Variants in PCYOX1L observed in about 807,000 individuals in gnomAD.
PCYOX1L encodes the protein prenylcysteine oxidase 1 like, also known as prenylcysteine oxidase 1-like.
In PCYOX1L, 40 loss-of-function variants were observed where a neutral mutation model predicts 44.1. The ratio of observed to expected loss-of-function variants is 0.91; its 90% confidence interval spans 0.70 to 1.18. PCYOX1L has a LOEUF of 1.18. Among genes scored for constraint, PCYOX1L ranks in the 50% most tolerant of loss-of-function variants. The pLI is 0.00. For synonymous variants in PCYOX1L, 266 were observed against 282.8 expected (o/e 0.94, Z 0.60); for missense variants, 605 against 653.3 (o/e 0.93, Z 0.81).
In PCYOX1L at chr5:149,358,106, C is replaced by T. The variant is rs1757902725; in HGVS notation, c.38C>T (p.Ala13Val). ...GCCCCGCTGCTCGCCGCGTTGACCG[C>T]GCTCCTCGCCGCCGCCGCTGCTGGC... ...RAAPLLAALT[A>V]LLAAAAAGGD... Residue 13 changes from alanine (A) to valine (V), a missense_variant, in exon 1 of 6, where the codon GCG (alanine) becomes GTG (valine). Physicochemically the swap from Ala to Val is moderately conservative, Grantham distance 64 (BLOSUM62 0). Coordinates refer to ENST00000274569, the MANE Select transcript of PCYOX1L (RefSeq NM_024028.4). The T allele has an allele frequency of 2.1e-6, 3 of 1,451,954 alleles. No individual in the cohort carries two copies. The highest frequency in any genetic ancestry group is 2.7e-6 in the Non-Finnish European group (3 of 1,104,834). The allele number at this position is 1,451,954 out of a possible 1,614,324, so 89.9% of individuals were successfully genotyped here.
intron 1 of PCYOX1L, among the ~76,000 whole-genome samples, chr5:149,358,575 A>T (rs1757919712): frequency 6.6e-6 from 1 of 152,148 alleles, no homozygotes; most frequent in South Asian, 2.1e-4. Flanking sequence ...CTCACAGTAC[A>T]GGGAAGTCCG....
chr5:149,364,057 T>G lies in PCYOX1L; in HGVS notation c.317T>G (p.Val106Gly). 6.2e-7 allele frequency: 1 copy of G among 1,613,606 alleles called. No homozygotes were observed. Among genetic ancestry groups the G allele is most frequent in the East Asian group, 2.2e-5 (1 of 44,850 alleles). Residue 106 changes from valine (V) to glycine (G), a missense_variant, in exon 3 of 6, where the codon GTG becomes GGG. Transcript: ENST00000274569. ...GCAGGGCTGAGGCACCGGCGCGAGGTGGTGGGCAGGAGCGCCATCTTCGGC... is the reference window on the plus strand; with the variant it reads ...GCAGGGCTGAGGCACCGGCGCGAGGGGGTGGGCAGGAGCGCCATCTTCGGC... ...KLLGLRHRREVVGRSAIFGGE... is the reference protein window; with the variant it reads ...KLLGLRHRREGVGRSAIFGGE...
intron 1 of PCYOX1L, 142 bp from the exon 2 acceptor site, chr5:149,362,495 G>A: frequency 2.4e-6 from 2 of 821,756 alleles, no homozygotes; most frequent in Non-Finnish European, 3.8e-6. Flanking sequence ...TCAGTCCGCA[G>A]ATTTCCTTTT....
chr5:149,362,612 C>T (rs1431141009), intron 1 of PCYOX1L, 25 bp from the exon 2 acceptor site: 1 of 1,612,978 alleles, frequency 6.2e-7, no homozygotes, highest in South Asian at 1.1e-5. Flanking sequence ...CTCTCTTCTT[C>T]CCTACCTCCC....
intron 2 of PCYOX1L, 100 bp downstream of exon 2, chr5:149,362,943 A>T: frequency 7.8e-7 from 1 of 1,275,532 alleles, no homozygotes; most frequent in African/African-American, 1.5e-5. Flanking sequence ...CCAGAAGGTC[A>T]TGTGGCCCAA....
In PCYOX1L at chr5:149,368,217, G is replaced by C. The variant is rs1484090598; in HGVS notation, c.1048G>C (p.Asp350His). The part of the protein sequence containing the change: ...YLNSSYFGFP[D>H]PKLFPFANIL... Reference sequence around the variant, plus strand: ...CAACTCGTCCTACTTCGGTTTCCCAGACCCTAAGCTTTTCCCCTTTGCCAA... The same window carrying C: ...CAACTCGTCCTACTTCGGTTTCCCACACCCTAAGCTTTTCCCCTTTGCCAA... The change falls in exon 6 of 6, where the codon GAC (aspartate) becomes CAC (histidine). Residue 350 changes from aspartate (D) to histidine (H), a missense_variant. Transcript: ENST00000274569. 1.9e-6 allele frequency: 3 copies of C among 1,613,984 alleles called. No individual in the cohort carries two copies. The African/African-American group carries it at 4.0e-5, about 22-fold the overall frequency.
chr5:149,366,864 A>G (rs1428039378), intron 4 of PCYOX1L, among the ~76,000 whole-genome samples: 1 of 152,078 alleles, frequency 6.6e-6, no homozygotes, highest in African/African-American at 2.4e-5. Context: ...TCTCCTTCAT[A>G]GCATTTTTGT....
rs1005925702 is a variant in PCYOX1L, at chr5:149,368,823, C to T, written c.*169C>T. The T allele has an allele frequency of 2.6e-5, 13 of 500,688 alleles. No individual in the cohort carries two copies. The highest frequency in any genetic ancestry group is 1.7e-4 in the East Asian group (5 of 28,858). The allele number at this position is 500,688 out of a possible 1,614,324, so 31.0% of individuals were successfully genotyped here. A position where few individuals can be genotyped will look rare whatever the true frequency, so the allele number is the denominator to read the frequency against. On this transcript the variant is annotated 3_prime_UTR_variant, in exon 6 of 6. Coordinates refer to ENST00000274569, the MANE Select transcript of PCYOX1L (RefSeq NM_024028.4). ...CTGCCTATATTAAGGGTCCACACGG[C>T]GGCTGCTGCTTTTTTTTAAGGGGGA...
At chr5:149,367,557 C>T in intron 5 of PCYOX1L, 57 bp downstream of exon 5, 4 of 1,595,118 alleles carry the variant, frequency 2.5e-6, no homozygotes, top group Non-Finnish European at 3.4e-6. Flanking sequence ...TGGACAGACA[C>T]TTCTGCCTCC....
intron 3 of PCYOX1L, chr5:149,364,603 A>G (rs900260273): frequency 1.5e-4 from 26 of 176,864 alleles, no homozygotes; most frequent in African/African-American, 6.1e-4. Flanking sequence ...GCCGTGTACA[A>G]TGCCCACCTC....
intron 1 of PCYOX1L, among the ~76,000 whole-genome samples, chr5:149,359,367 G>T: frequency 6.6e-6 from 1 of 152,238 alleles, no homozygotes; most frequent in East Asian, 1.9e-4. Context: ...TTGAGACTGA[G>T]AGTTTAGTGC....
At chr5:149,365,570 A>C in intron 3 of PCYOX1L, 1 of 272,134 alleles carries the variant, frequency 3.7e-6, no homozygotes, top group African/African-American at 2.2e-5. Context: ...AAGCTGTGGC[A>C]GAACCGACAC....
At chr5:149,365,744 T>C (rs1323406348) in intron 3 of PCYOX1L, 198 bp from the exon 4 acceptor site, 2 of 603,746 alleles carry the variant, frequency 3.3e-6, no homozygotes, top group East Asian at 5.5e-5. Flanking sequence ...TTCCATACCT[T>C]CACACTCCCT....
rs1758342209 is a variant in PCYOX1L, at chr5:149,369,230, A to G, written c.*576A>G. ...TCCAAGCCTGTCAACATCACTGCATATTGGAGGAGATGACTGTGGTAGGAC... is the reference window on the plus strand; with the variant it reads ...TCCAAGCCTGTCAACATCACTGCATGTTGGAGGAGATGACTGTGGTAGGAC... On this transcript the variant is annotated 3_prime_UTR_variant, in exon 6 of 6. Coordinates refer to ENST00000274569, the MANE Select transcript of PCYOX1L (RefSeq NM_024028.4). The G allele has an allele frequency of 6.6e-6, 1 of 152,230 alleles. No individual in the cohort carries two copies. Among genetic ancestry groups the G allele is most frequent in the Admixed American group, 6.5e-5 (1 of 15,284 alleles). 9.4% of individuals were successfully genotyped at this position (152,230 alleles called of 1,614,324 possible).
At chr5:149,359,227 A>G (rs936725688) in intron 1 of PCYOX1L, among the ~76,000 whole-genome samples, 1 of 152,236 alleles carries the variant, frequency 6.6e-6, no homozygotes, top group Non-Finnish European at 1.5e-5. Context: ...AGTTGGCAGG[A>G]GTGCCTGGAA....
chr5:149,361,241 T>G (rs1162547467), intron 1 of PCYOX1L, among the ~76,000 whole-genome samples: 1 of 152,186 alleles, frequency 6.6e-6, no homozygotes, highest in Admixed American at 6.5e-5. Flanking sequence ...AAACCTCATC[T>G]CTACGAAAAA....
rs531954304 is a variant in PCYOX1L at position 149,363,078 on chromosome 5, C to A, written c.295+235C>A. On this transcript the variant is annotated intron_variant, in intron 2 of 5. Coordinates refer to ENST00000274569, the MANE Select transcript of PCYOX1L (RefSeq NM_024028.4). ...TTGACTCCTAGGCCAGTTTCTTTCC[C>A]TTTCAATTTGCTGCCTCTAAATAAT... The A allele has an allele frequency of 1.2e-5, 8 of 666,472 alleles. No homozygotes were observed. In the African/African-American group the frequency reaches 1.4e-4, roughly 12 times the overall value. 41.3% of individuals were successfully genotyped at this position (666,472 alleles called of 1,614,324 possible).
Position 149,366,159 on chromosome 5 carries a change from C to T in PCYOX1L, c.682+6C>T, listed in dbSNP as rs751936617. 35 of 1,609,020 alleles carry T rather than the reference C, an allele frequency of 2.2e-5. No individual in the cohort carries two copies. Among genetic ancestry groups the T allele is most frequent in the Admixed American group, 1.0e-4 (6 of 59,996 alleles). On this transcript the variant is annotated splice_donor_region_variant and intron_variant, in intron 4 of 5. Coordinates refer to ENST00000274569, the MANE Select transcript of PCYOX1L (RefSeq NM_024028.4). ...AGCGATGCCCGCCTTTGCAGGTAAG[C>T]GTCCAACCCTTGGCCTGCCCACCTG...
At chr5:149,358,923 A>G (rs1011105947) in intron 1 of PCYOX1L, among the ~76,000 whole-genome samples, 47 of 152,344 alleles carry the variant, frequency 3.1e-4, no homozygotes, top group African/African-American at 1.1e-3. Context: ...TCACATAACT[A>G]TCACGCACTG....
Sources: allele counts gnomAD v4.1 joint callset (sites outside exome capture counted in the v4.1 genomes callset), GRCh38; gene constraint gnomAD v4.1.1; transcripts MANE v1.5; gene names NCBI Gene and HGNC (gene_info 2026-07-23, HGNC 2026-07-21).